DPH6: variants seen among roughly 807,000 people sequenced by gnomAD.
DPH6 encodes diphthamine biosynthesis 6.
A neutral mutation model predicts 38.2 loss-of-function variants in DPH6; 33 were observed. The observed-to-expected ratio is 0.86, with a 90% CI of 0.65 to 1.15. DPH6 has a LOEUF of 1.15. Among genes scored for constraint, DPH6 ranks in the 50% most tolerant of loss-of-function variants. DPH6 has a pLI of 0.00. For synonymous variants in DPH6, 108 were observed against 103.0 expected (o/e 1.05, Z -0.30); for missense variants, 325 against 320.0 (o/e 1.02, Z -0.12).
chr15:35,450,029 C>T (rs146759915), intron 5 of DPH6, among the ~76,000 whole-genome samples: 1,729 of 152,042 alleles, frequency 0.011, 22 homozygotes, highest in African/African-American at 0.04. Context: ...TGGGCTCAAA[C>T]CCTACGGTTT....
intron 3 of DPH6, among the ~76,000 whole-genome samples, chr15:35,260,790 C>T (rs1226669174): frequency 2.6e-5 from 4 of 152,056 alleles, no homozygotes; most frequent in Non-Finnish European, 5.9e-5. Context: ...TCAGGCAATC[C>T]ATTTCAGAAA....
intron 7 of DPH6, among the ~76,000 whole-genome samples, chr15:35,377,097 A>G (rs1453005443): frequency 6.6e-6 from 1 of 152,208 alleles, no homozygotes; most frequent in East Asian, 1.9e-4. Flanking sequence ...AAAATAGCTC[A>G]TAAATTTAAA....
intron 7 of DPH6, among the ~76,000 whole-genome samples, chr15:35,374,108 TTGTC>T (rs1160616257): frequency 5.3e-5 from 8 of 152,022 alleles, no homozygotes; most frequent in African/African-American, 1.7e-4. Context: ...TTAAAATTGA[TTGTC>T]TGACATAGTA....
At chr15:35,296,765 A>AT (rs1225561906) in intron 3 of DPH6, among the ~76,000 whole-genome samples, 1 of 148,256 alleles carries the variant, frequency 6.7e-6, no homozygotes, top group African/African-American at 2.5e-5. Flanking sequence ...CCTGACAACC[A>AT]TTTTTTATCT....
At chr15:35,197,801 C>G in the DPH6 span, among the ~76,000 whole-genome samples, 1 of 152,128 alleles carries the variant, frequency 6.6e-6, no homozygotes, top group Non-Finnish European at 1.5e-5. Context: ...CCTTAAAATG[C>G]AAACAGGGGA....
At chr15:35,227,176 T>TC (rs1371365414) in intron 3 of DPH6, among the ~76,000 whole-genome samples, 1 of 117,960 alleles carries the variant, frequency 8.5e-6, no homozygotes, top group African/African-American at 3.3e-5. Context: ...AACATCTTCT[T>TC]TTTTTTTTTT....
At chr15:35,174,223 CTTTTA>C in the DPH6 span, among the ~76,000 whole-genome samples, 2 of 141,066 alleles carry the variant, frequency 1.4e-5, no homozygotes, top group East Asian at 2.0e-4. Flanking sequence ...TATTATCTTT[CTTTTA>C]TATTAGATCA....
At chr15:35,405,006 G>A (rs1460819983) in intron 6 of DPH6, among the ~76,000 whole-genome samples, 13 of 151,942 alleles carry the variant, frequency 8.6e-5, no homozygotes, top group Non-Finnish European at 1.9e-4. Context: ...TATGTTCTTG[G>A]CATCTTTGTC....
intron 3 of DPH6, among the ~76,000 whole-genome samples, chr15:35,303,973 GCT>G (rs1273760207): frequency 6.6e-6 from 1 of 151,890 alleles, no homozygotes; most frequent in Non-Finnish European, 1.5e-5. Flanking sequence ...TTGAGAGAAA[GCT>G]CTTTTAAGTT....
At chr15:35,495,494 G>A (rs944147547) in intron 3 of DPH6, among the ~76,000 whole-genome samples, 7 of 151,960 alleles carry the variant, frequency 4.6e-5, no homozygotes, top group Non-Finnish European at 1.0e-4. Context: ...AATACATACC[G>A]GCACTAGCAT....
chr15:35,417,277 G>T (rs1037073769), intron 5 of DPH6, among the ~76,000 whole-genome samples: 3 of 151,818 alleles, frequency 2.0e-5, no homozygotes, highest in Admixed American at 6.6e-5. Context: ...TGAAAAAACA[G>T]ATCTTTTTAG....
rs200520129 is a variant in DPH6 at position 35,522,158 on chromosome 15, G to A, written c.312+16116C>T. ...AATGTGTGTTTATCAAACTTGCTGT[G>A]AGTGCACAGTTCATTTGGAGTCCTG... On this transcript the variant is annotated intron_variant, in intron 3 of 8. Transcript: ENST00000256538. 82 of 1,613,340 alleles carry A rather than the reference G, an allele frequency of 5.1e-5. No individual in the cohort carries two copies. The African/African-American group carries it at 1.0e-3, about 20-fold the overall frequency.
At chr15:35,348,464 G>C (rs2052480958) in intron 3 of DPH6, among the ~76,000 whole-genome samples, 1 of 152,080 alleles carries the variant, frequency 6.6e-6, no homozygotes, top group Non-Finnish European at 1.5e-5. Context: ...TATACATAAA[G>C]ATTTCTCTGG....
chr15:35,408,579 G>A (rs921179479), intron 6 of DPH6, among the ~76,000 whole-genome samples: 6 of 151,990 alleles, frequency 3.9e-5, no homozygotes, highest in African/African-American at 1.4e-4. Flanking sequence ...ATTACCTAGA[G>A]AAAGTTTCTA....
chr15:35,536,356 A>G (rs1400442947), intron 3 of DPH6, among the ~76,000 whole-genome samples: 1 of 152,034 alleles, frequency 6.6e-6, no homozygotes, highest in Non-Finnish European at 1.5e-5. Context: ...AGAAGGAACT[A>G]TTTAGTCCCA....
In DPH6 at chr15:35,280,269, T is replaced by C. The variant is rs559982364; in HGVS notation, n.201-59687A>G. Among the ~76,000 whole-genome samples, 22 of 152,346 alleles carry C rather than the reference T, an allele frequency of 1.4e-4. No homozygotes were observed. In the South Asian group the frequency reaches 1.9e-3, roughly 13 times the overall value. The stretch of plus-strand genomic sequence containing the variant: ...GTTTCTACTTTGATGTTCTGAAAGA[T>C]AGCACAGCATCACAATAATACATTT... On this transcript the variant is annotated intron_variant and non_coding_transcript_variant, in intron 3 of 3. Transcript: ENST00000560386.
the DPH6 span, among the ~76,000 whole-genome samples, chr15:35,164,577 A>C: frequency 3.3e-5 from 5 of 151,852 alleles, no homozygotes; most frequent in Non-Finnish European, 5.9e-5. Context: ...TAGTATAAAA[A>C]TATTTTATTG....
intron 8 of DPH6, 53 bp downstream of exon 8, chr15:35,373,468 T>G: frequency 6.7e-7 from 1 of 1,485,070 alleles, no homozygotes; most frequent in Admixed American, 2.1e-5. Flanking sequence ...GCAAAGCCAA[T>G]GTATATATCT....
At chr15:35,237,743 C>G in intron 3 of DPH6, 1 of 1,613,284 alleles carries the variant, frequency 6.2e-7, no homozygotes, top group East Asian at 2.2e-5. Context: ...CAAGCTCCTC[C>G]TGCAACTCAC....
Sources: gnomAD v4.1 joint callset for allele counts (sites outside exome capture counted in the v4.1 genomes callset) on GRCh38, gnomAD v4.1.1 for gene constraint, MANE v1.5 for transcripts, NCBI Gene and HGNC (gene_info 2026-07-23, HGNC 2026-07-21) for gene names.